ROBO2: variants seen among roughly 807,000 people sequenced by gnomAD.
ROBO2 encodes the protein roundabout homolog 2.
ROBO2 carries 53 observed loss-of-function variants against 160.8 expected under a neutral mutation model. The observed-to-expected ratio is 0.33, with a 90% CI of 0.26 to 0.41. The LOEUF (loss-of-function observed/expected upper bound fraction) is 0.41, where lower values mean the gene tolerates loss of function less well. Ranked by LOEUF, ROBO2 falls within the 10% of genes least tolerant of loss-of-function variation. ROBO2 has a pLI of 1.00. For synonymous variants in ROBO2, 664 were observed against 611.7 expected (o/e 1.09, Z -1.26); for missense variants, 1,577 against 1,722.4 (o/e 0.92, Z 1.49).
intron 2 of ROBO2, among the ~76,000 whole-genome samples, chr3:75,979,885 T>C (rs1031903099): frequency 2.8e-4 from 42 of 151,654 alleles, no homozygotes; most frequent in African/African-American, 9.4e-4. Context: ...TTTATGTAAG[T>C]TGCTTAGTTT....
chr3:76,894,365 T>C (rs1199585413), intron 2 of ROBO2, among the ~76,000 whole-genome samples: 1 of 152,130 alleles, frequency 6.6e-6, no homozygotes, highest in East Asian at 1.9e-4. Context: ...GTATGGCCTG[T>C]TTAAGTCTTA....
At chr3:76,414,837 CAAA>C (rs200154456) in intron 2 of ROBO2, among the ~76,000 whole-genome samples, 1 of 148,650 alleles carries the variant, frequency 6.7e-6, no homozygotes, top group African/African-American at 2.5e-5. Context: ...AAAACAGCAA[CAAA>C]AAAAATTATT....
intron 2 of ROBO2, among the ~76,000 whole-genome samples, chr3:76,264,467 A>G (rs1465244194): frequency 6.6e-6 from 1 of 152,032 alleles, no homozygotes; most frequent in Non-Finnish European, 1.5e-5. Flanking sequence ...ACATGAATCC[A>G]TTAAAATGTA....
intron 2 of ROBO2, among the ~76,000 whole-genome samples, chr3:77,164,738 C>T (rs1417341737): frequency 1.3e-5 from 1 of 79,472 alleles, no homozygotes; most frequent in African/African-American, 4.3e-5. Flanking sequence ...GCCCGGCCAG[C>T]CACCCCGTCC....
intron 2 of ROBO2, among the ~76,000 whole-genome samples, chr3:77,476,879 C>A (rs1418214583): frequency 1.3e-5 from 2 of 152,060 alleles, no homozygotes; most frequent in East Asian, 1.9e-4. Context: ...TGCTAGTGTG[C>A]TGCAAGGGTG....
intron 2 of ROBO2, among the ~76,000 whole-genome samples, chr3:76,112,092 C>A (rs1576907204): frequency 6.6e-6 from 1 of 152,098 alleles, no homozygotes; most frequent in South Asian, 2.1e-4. Flanking sequence ...CCAACCGTAA[C>A]TGAATTATTT....
intron 1 of ROBO2, among the ~76,000 whole-genome samples, chr3:77,079,472 A>G (rs775717717): frequency 1.1e-4 from 17 of 152,192 alleles, no homozygotes; most frequent in Non-Finnish European, 2.2e-4. Flanking sequence ...ACATTGAATA[A>G]GTGAATATTT....
intron 2 of ROBO2, among the ~76,000 whole-genome samples, chr3:75,954,249 C>T (rs775377297): frequency 6.6e-6 from 1 of 151,914 alleles, no homozygotes; most frequent in East Asian, 1.9e-4. Flanking sequence ...ATTCCTCAGG[C>T]GTCTCCAGTC....
At chr3:77,132,386 GT>G (rs11425383) in intron 2 of ROBO2, among the ~76,000 whole-genome samples, 2,821 of 151,292 alleles carry the variant, frequency 0.019, 65 homozygotes, top group African/African-American at 0.063. Context: ...ATTAATATGG[GT>G]TTTTTTTGGT....
intron 2 of ROBO2, among the ~76,000 whole-genome samples, chr3:76,331,690 ATTT>A (rs10713218): frequency 6.9e-6 from 1 of 144,356 alleles, no homozygotes. Context: ...TAATATTTGA[ATTT>A]TTTTTTTTTT....
chr3:76,603,558 G>GT (rs966455288), intron 2 of ROBO2, among the ~76,000 whole-genome samples: 1 of 151,082 alleles, frequency 6.6e-6, no homozygotes, highest in African/African-American at 2.4e-5. Flanking sequence ...AATAGATGGA[G>GT]TTTTTTTTAA....
intron 23 of ROBO2, chr3:77,634,277 C>T (rs978150213): frequency 1.3e-5 from 2 of 157,860 alleles, no homozygotes; most frequent in Admixed American, 1.2e-4. Flanking sequence ...ACCTGCTATC[C>T]TCTACACAGA....
At chr3:76,758,360 C>A (rs1028617007) in intron 2 of ROBO2, among the ~76,000 whole-genome samples, 2 of 151,742 alleles carry the variant, frequency 1.3e-5, no homozygotes, top group Non-Finnish European at 2.9e-5. Context: ...TTGTCTTTGG[C>A]GTCAAGGAAG....
At chr3:76,227,590 A>T (rs1403676081) in intron 2 of ROBO2, among the ~76,000 whole-genome samples, 1 of 152,168 alleles carries the variant, frequency 6.6e-6, no homozygotes, top group Non-Finnish European at 1.5e-5. Context: ...TTTAATTTTT[A>T]AAACTATATG....
intron 2 of ROBO2, among the ~76,000 whole-genome samples, chr3:76,140,826 G>C (rs2071604452): frequency 6.6e-6 from 1 of 150,720 alleles, no homozygotes; most frequent in Non-Finnish European, 1.5e-5. Flanking sequence ...AGGCAAGTCA[G>C]TGAATTAATA....
At chr3:77,116,621 C>T (rs555102961) in intron 2 of ROBO2, among the ~76,000 whole-genome samples, 18 of 152,254 alleles carry the variant, frequency 1.2e-4, no homozygotes, top group Non-Finnish European at 2.2e-4. Flanking sequence ...GTAATTCTTT[C>T]GTCTAAACAT....
intron 2 of ROBO2, among the ~76,000 whole-genome samples, chr3:76,349,128 C>T (rs903044074): frequency 2.0e-5 from 3 of 152,058 alleles, no homozygotes; most frequent in African/African-American, 7.2e-5. Flanking sequence ...AGTGTCTATT[C>T]CTTTTGATCA....
chr3:77,475,556 T>C (rs2083902229), intron 2 of ROBO2, among the ~76,000 whole-genome samples: 2 of 152,170 alleles, frequency 1.3e-5, no homozygotes, highest in Admixed American at 6.5e-5. Context: ...GAGAAGGCCC[T>C]TCAACTGGCC....
chr3:76,184,197 T>C (rs950404804), intron 2 of ROBO2, among the ~76,000 whole-genome samples: 3 of 152,114 alleles, frequency 2.0e-5, no homozygotes, highest in African/African-American at 7.2e-5. Flanking sequence ...TCCAGTGGGC[T>C]TTCTCATGCT....
Sources: gnomAD v4.1 joint callset for allele counts (sites outside exome capture counted in the v4.1 genomes callset) on GRCh38, gnomAD v4.1.1 for gene constraint, MANE v1.5 for transcripts, NCBI Gene and HGNC (gene_info 2026-07-23, HGNC 2026-07-21) for gene names.